The following PAPPA2 variants were observed in gnomAD, a reference collection of about 807,000 sequenced individuals.
PAPPA2 encodes pappalysin 2.
In PAPPA2, 86 loss-of-function variants were observed where a neutral mutation model predicts 176.4. That is an observed-to-expected ratio of 0.49 (90% CI 0.41 to 0.58). The LOEUF is 0.58. Among genes scored for constraint, PAPPA2 ranks in the 20% least tolerant of loss-of-function variants. The pLI is 0.00. For missense variants in PAPPA2, 2,073 were observed against 2,256.9 expected (o/e 0.92, Z 1.65); for synonymous variants, 809 against 852.2 (o/e 0.95, Z 0.88).
At chr1:176,729,019 T>C (rs1017556109) in intron 12 of PAPPA2, among the ~76,000 whole-genome samples, 2 of 152,006 alleles carry the variant, frequency 1.3e-5, no homozygotes, top group Admixed American at 1.3e-4. Context: ...ATAGCATCCT[T>C]TACATAATAA....
chr1:176,675,862 G>T (rs1433273270), intron 4 of PAPPA2, among the ~76,000 whole-genome samples: 3 of 151,972 alleles, frequency 2.0e-5, no homozygotes, highest in Non-Finnish European at 2.9e-5. Flanking sequence ...AAGATATACG[G>T]AACTCTCAAA....
intron 3 of PAPPA2, among the ~76,000 whole-genome samples, chr1:176,635,149 G>T (rs535473964): frequency 6.6e-6 from 1 of 152,180 alleles, no homozygotes; most frequent in Non-Finnish European, 1.5e-5. Flanking sequence ...GCTATAGGCA[G>T]AAGTTTTCAG....
intron 12 of PAPPA2, among the ~76,000 whole-genome samples, chr1:176,721,420 A>T (rs183963819): frequency 8.1e-4 from 124 of 152,194 alleles, no homozygotes; most frequent in African/African-American, 2.8e-3. Flanking sequence ...ATTTTTGTTT[A>T]GCTTGAGGAA....
intron 1 of PAPPA2, among the ~76,000 whole-genome samples, chr1:176,505,637 A>T (rs1648214558): frequency 6.6e-6 from 1 of 152,038 alleles, no homozygotes; most frequent in African/African-American, 2.4e-5. Context: ...ATTAGAAAAA[A>T]CTATTCTAAA....
At chr1:176,628,890 A>G (rs1320108003) in intron 3 of PAPPA2, among the ~76,000 whole-genome samples, 1 of 152,196 alleles carries the variant, frequency 6.6e-6, no homozygotes, top group African/African-American at 2.4e-5. Context: ...ATTGCATTTG[A>G]CAGTTCTTTC....
intron 1 of PAPPA2, among the ~76,000 whole-genome samples, chr1:176,506,336 T>A (rs1310370642): frequency 6.6e-6 from 1 of 151,302 alleles, no homozygotes; most frequent in Admixed American, 6.6e-5. Flanking sequence ...TATTCAGGCT[T>A]TTTTTTTTCT....
intron 3 of PAPPA2, among the ~76,000 whole-genome samples, chr1:176,663,166 T>C (rs531865079): frequency 6.6e-6 from 1 of 152,158 alleles, no homozygotes. Context: ...AGTTCCACAC[T>C]ACCCTTTGTC....
At chr1:176,558,659 G>A (rs1261045335) in intron 2 of PAPPA2, among the ~76,000 whole-genome samples, 2 of 152,074 alleles carry the variant, frequency 1.3e-5, no homozygotes, top group African/African-American at 4.8e-5. Flanking sequence ...CTTATTCTGG[G>A]GCCAAATGGA....
rs546843703 is a variant in PAPPA2, at chr1:176,763,529, C to T, written c.4152-2137C>T. Reference sequence around the variant, plus strand: ...TATGGACTGACTTTGCTCTCTATAACATGAACAATCGTAACTTAGCAAATT... The same window carrying T: ...TATGGACTGACTTTGCTCTCTATAATATGAACAATCGTAACTTAGCAAATT... On this transcript the variant is annotated intron_variant, in intron 14 of 22. Coordinates refer to ENST00000367662, the MANE Select transcript of PAPPA2 (RefSeq NM_020318.3). 3.3e-5 allele frequency among the ~76,000 whole-genome samples: 5 copies of T among 152,290 alleles called. 1 individual carries two copies. In the South Asian group the frequency reaches 1.0e-3, roughly 32 times the overall value.
intron 14 of PAPPA2, among the ~76,000 whole-genome samples, chr1:176,762,562 C>A (rs1663747811): frequency 6.6e-6 from 1 of 152,186 alleles, no homozygotes; most frequent in African/African-American, 2.4e-5. Context: ...TAATGACTCT[C>A]TGTTTCCCAG....
intron 21 of PAPPA2, among the ~76,000 whole-genome samples, chr1:176,837,147 A>G (rs944964588): frequency 6.6e-6 from 1 of 152,136 alleles, no homozygotes; most frequent in African/African-American, 2.4e-5. Flanking sequence ...CCACTTGCAC[A>G]CAGTCATTAT....
intron 3 of PAPPA2, among the ~76,000 whole-genome samples, chr1:176,648,217 CTTTA>C (rs1418549023): frequency 6.6e-6 from 1 of 151,360 alleles, no homozygotes. Context: ...GGATTGCTTT[CTTTA>C]TTTCTTTTTC....
intron 2 of PAPPA2, among the ~76,000 whole-genome samples, chr1:176,561,794 A>G (rs914192806): frequency 2.6e-5 from 4 of 152,170 alleles, no homozygotes; most frequent in Admixed American, 2.6e-4. Context: ...AGCTGCTGAT[A>G]AAGACATACC....
chr1:176,505,150 CA>C (rs1462754836), intron 1 of PAPPA2, among the ~76,000 whole-genome samples: 1 of 151,966 alleles, frequency 6.6e-6, no homozygotes, highest in African/African-American at 2.4e-5. Context: ...AATAAAATGA[CA>C]AAAAACCCGT....
At chr1:176,709,864 G>A (rs1286053542) in intron 10 of PAPPA2, 119 bp from the exon 11 acceptor site, 2 of 817,098 alleles carry the variant, frequency 2.4e-6, no homozygotes, top group Non-Finnish European at 3.9e-6. Context: ...AGACTGGCAG[G>A]CAATTGCAGA....
chr1:176,548,335 A>T (rs1650749378), intron 1 of PAPPA2, among the ~76,000 whole-genome samples: 1 of 152,098 alleles, frequency 6.6e-6, no homozygotes, highest in African/African-American at 2.4e-5. Flanking sequence ...TGGGAACAAG[A>T]GCTCTTGGGG....
intron 1 of PAPPA2, among the ~76,000 whole-genome samples, chr1:176,493,038 A>G (rs1339195323): frequency 6.6e-6 from 1 of 152,242 alleles, no homozygotes; most frequent in Non-Finnish European, 1.5e-5. Flanking sequence ...TCACAATCCA[A>G]TAAATTGATT....
At chr1:176,472,440 A>G (rs1386887785) in intron 1 of PAPPA2, among the ~76,000 whole-genome samples, 1 of 152,162 alleles carries the variant, frequency 6.6e-6, no homozygotes, top group Non-Finnish European at 1.5e-5. Flanking sequence ...GTAGTCTTTA[A>G]TAGCTTCTTT....
At chr1:176,796,634 C>CT (rs1665445660) in intron 20 of PAPPA2, among the ~76,000 whole-genome samples, 2 of 116,446 alleles carry the variant, frequency 1.7e-5, no homozygotes, top group Non-Finnish European at 3.9e-5. Flanking sequence ...CTTTCTTTTT[C>CT]TTTCTTTTCT....
Sources: gnomAD v4.1 joint callset for allele counts (sites outside exome capture counted in the v4.1 genomes callset) on GRCh38, gnomAD v4.1.1 for gene constraint, MANE v1.5 for transcripts, NCBI Gene and HGNC (gene_info 2026-07-23, HGNC 2026-07-21) for gene names.